TNNC1: variants seen among roughly 807,000 people sequenced by gnomAD.
The protein encoded by TNNC1 is troponin C, slow skeletal and cardiac muscles.
A neutral mutation model predicts 19.6 loss-of-function variants in TNNC1; 10 were observed. The ratio of observed to expected loss-of-function variants is 0.51; its 90% CI spans 0.31 to 0.87. The LOEUF (loss-of-function observed/expected upper bound fraction) is 0.87, where lower values mean the gene tolerates loss of function less well. Among genes scored for constraint, TNNC1 ranks in the 40% least tolerant of loss-of-function variants. TNNC1 has a pLI of 0.04. For synonymous variants in TNNC1, 85 were observed against 80.1 expected, an observed-to-expected ratio of 1.06 and a Z score of -0.33; for missense variants, 115 against 219.8, an observed-to-expected ratio of 0.52 and a Z score of 3.02.
Position 52,452,815 on chromosome 3 carries a change from G to A in TNNC1, c.25-302C>T. On this transcript the variant is annotated intron_variant, in intron 1 of 5. Transcript: ENST00000232975. This position sits in a 1 kb window ranked among gnomAD's most constrained non-coding sequence, Gnocchi z 5.2. The stretch of plus-strand genomic sequence containing the variant: ...TCGGCCCCTGATGAAACTCAAGCTG[G>A]GTGGCCCGAAGGACAGCTGTCCCTC... The A allele has an allele frequency of 4.0e-6, 2 of 503,932 alleles. No individual in the cohort carries two copies. The highest frequency in any genetic ancestry group is 4.3e-5 in the South Asian group (2 of 46,964). The allele number at this position is 503,932 out of a possible 1,614,324, so 31.2% of individuals were successfully genotyped here. A position where few individuals can be genotyped will look rare whatever the true frequency, so the allele number is the denominator to read the frequency against.
chr3:52,451,700 C>A lies in TNNC1; in HGVS notation c.317+44G>T. On this transcript the variant is annotated intron_variant, in intron 4 of 5. Coordinates refer to ENST00000232975, the MANE Select transcript of TNNC1 (RefSeq NM_003280.3). This position sits in a 1 kb window ranked among gnomAD's most constrained non-coding sequence, Gnocchi z 4.8. The stretch of plus-strand genomic sequence containing the variant: ...GAGACTGCCCTCCTGTACAGCTCGG[C>A]TTGAGTGTGGGTCAGGGTCAGAGGT... 1.2e-6 allele frequency: 2 copies of A among 1,601,362 alleles called. No individual in the cohort carries two copies. Among genetic ancestry groups the A allele is most frequent in the Non-Finnish European group, 1.7e-6 (2 of 1,168,446 alleles).
At position 52,451,341 on chromosome 3, in the gene TNNC1, G is replaced by T. The variant is rs1167847639; in HGVS notation, c.455-35C>A. 6.2e-7 allele frequency: 1 copy of T among 1,614,112 alleles called. No homozygotes were observed. The highest frequency in any genetic ancestry group is 1.1e-5 in the South Asian group (1 of 91,086). ...GAGGGGCAGGTGTGGGTTGAGGGTA[G>T]GGGCTGGGCAGGGCATGGAGGCAGG... On this transcript the variant is annotated intron_variant, in intron 5 of 5. Transcript: ENST00000232975. The surrounding 1 kb of genome is among the most constrained non-coding windows in gnomAD (Gnocchi z 4.8).
At position 52,452,217 on chromosome 3, in the gene TNNC1, C is replaced by T. The variant is rs397514616; in HGVS notation, c.91G>A (p.Ala31Thr). ...KAAFDIFVLG[A>T]EDGCISTKEL... ...TTGGTGCTGATGCAGCCATCCTCAG[C>T]GCCCAGCACGAAGATGTCGAAGGCT... Residue 31 changes from alanine to threonine, a missense_variant, in exon 3 of 6, where the codon GCT (alanine) becomes ACT (threonine). Physicochemically the swap from Ala to Thr is moderately conservative, Grantham distance 58. This residue lies in a region of TNNC1 where 19 missense variants were observed against 105.6 expected (regional missense o/e 0.18). Coordinates refer to ENST00000232975, the MANE Select transcript of TNNC1 (RefSeq NM_003280.3). The surrounding 1 kb of genome is among the most constrained non-coding windows in gnomAD (Gnocchi z 5.2). The T allele has an allele frequency of 4.3e-6, 7 of 1,613,706 alleles. No individual in the cohort carries two copies. Among genetic ancestry groups the T allele is most frequent in the African/African-American group, 1.3e-5 (1 of 74,930 alleles).
Position 52,452,634 on chromosome 3 carries a change from G to A in TNNC1, c.25-121C>T. 3.6e-6 allele frequency: 4 copies of A among 1,103,274 alleles called. No homozygotes were observed. The highest frequency in any genetic ancestry group is 4.0e-5 in the Admixed American group (2 of 50,542). The allele number at this position is 1,103,274 out of a possible 1,614,324, so 68.3% of individuals were successfully genotyped here. Reference sequence around the variant, plus strand: ...AGGCAGGCTATTTCCAGGCCACAGAGTGGAGGTCTCAGTCCTCCCTCCCTG... The same window carrying A: ...AGGCAGGCTATTTCCAGGCCACAGAATGGAGGTCTCAGTCCTCCCTCCCTG... On this transcript the variant is annotated intron_variant, in intron 1 of 5. Transcript: ENST00000232975. The surrounding 1 kb of genome is among the most constrained non-coding windows in gnomAD (Gnocchi z 5.2).
At chr3:52,453,369 C>T (rs1041491062) in intron 1 of TNNC1, among the ~76,000 whole-genome samples, 14 of 152,188 alleles carry the variant, frequency 9.2e-5, no homozygotes, top group African/African-American at 3.4e-4. Flanking sequence ...AGCCCTGAGC[C>T]TGCCAGGCAT....
chr3:52,452,458 C>T lies in TNNC1; in HGVS notation c.55+25G>A. 1.2e-6 allele frequency: 2 copies of T among 1,612,512 alleles called. No homozygotes were observed. Among genetic ancestry groups the T allele is most frequent in the Non-Finnish European group, 1.7e-6 (2 of 1,179,354 alleles). ...ATGCCAGCCTGGACCCGCTGGTCTC[C>T]CACATGTGTGATAGGGATTCTCACC... On this transcript the variant is annotated intron_variant, in intron 2 of 5. Transcript: ENST00000232975. This position sits in a 1 kb window ranked among gnomAD's most constrained non-coding sequence, Gnocchi z 5.2.
In TNNC1 at chr3:52,451,459, G is replaced by A. The variant is rs749367654; in HGVS notation, c.386C>T (p.Thr129Met). Reference protein sequence around the residue: ...IMLQATGETITEDDIEELMKD... With the variant: ...IMLQATGETIMEDDIEELMKD... ...CATGAGCTCCTCGATGTCGTCCTCC[G>A]TGATGGTCTCGCCTGTAGCCTGCAG... Residue 129 changes from threonine (T) to methionine (M), a missense_variant, in exon 5 of 6, where the codon ACG becomes ATG. Thr to Met is a moderately conservative substitution (Grantham distance 81). This residue lies in a region of TNNC1 where 96 missense variants were observed against 114.2 expected (regional missense o/e 0.84). Transcript: ENST00000232975. The surrounding 1 kb of genome is among the most constrained non-coding windows in gnomAD (Gnocchi z 4.8). 9 of 1,613,996 alleles carry A rather than the reference G, an allele frequency of 5.6e-6. No individual in the cohort carries two copies. The highest frequency in any genetic ancestry group is 1.7e-5 in the Admixed American group (1 of 60,002).
intron 1 of TNNC1, 46 bp downstream of exon 1, chr3:52,453,946 C>T (rs1312222355): frequency 1.3e-6 from 2 of 1,570,470 alleles, no homozygotes; most frequent in Middle Eastern, 1.7e-4. Flanking sequence ...TGAGTGAGCC[C>T]CCAGTGGGCC....
In TNNC1 at chr3:52,452,446, C is replaced by T; in HGVS notation, c.55+37G>A. 2 of 1,610,888 alleles carry T rather than the reference C, an allele frequency of 1.2e-6. No homozygotes were observed. Among genetic ancestry groups the T allele is most frequent in the Non-Finnish European group, 1.7e-6 (2 of 1,178,568 alleles). On this transcript the variant is annotated intron_variant, in intron 2 of 5. Transcript: ENST00000232975. This position sits in a 1 kb window ranked among gnomAD's most constrained non-coding sequence, Gnocchi z 5.2. Reference sequence around the variant, plus strand: ...TAAGGGGTCCCCATGCCAGCCTGGACCCGCTGGTCTCCCACATGTGTGATA... The same window carrying T: ...TAAGGGGTCCCCATGCCAGCCTGGATCCGCTGGTCTCCCACATGTGTGATA...
Position 52,451,186 on chromosome 3 carries a change from A to T in TNNC1, c.*89T>A. On this transcript the variant is annotated 3_prime_UTR_variant, in exon 6 of 6. Transcript: ENST00000232975. The surrounding 1 kb of genome is among the most constrained non-coding windows in gnomAD (Gnocchi z 4.8). Reference sequence around the variant, plus strand: ...TGGGGTTGAGGACATGGCCAGGCTCAGGTCCTGGGACCCCGACCCCCTCCC... The same window carrying T: ...TGGGGTTGAGGACATGGCCAGGCTCTGGTCCTGGGACCCCGACCCCCTCCC... 6.7e-7 allele frequency: 1 copy of T among 1,490,362 alleles called. No homozygotes were observed. Among genetic ancestry groups the T allele is most frequent in the Non-Finnish European group, 9.3e-7 (1 of 1,070,348 alleles). 92.3% of individuals were successfully genotyped at this position (1,490,362 alleles called of 1,614,324 possible).
rs1334408291 is a variant in TNNC1, at chr3:52,451,786, T to C, written c.275A>G (p.Lys92Arg). ...GAGGTCAGACAGCTCCTCCTCAGATTTCCCTTTGCTGTCGTCCTTCATGCA... is the reference window on the plus strand; with the variant it reads ...GAGGTCAGACAGCTCCTCCTCAGATCTCCCTTTGCTGTCGTCCTTCATGCA... ...VRCMKDDSKGKSEEELSDLFR... is the reference protein window; with the variant it reads ...VRCMKDDSKGRSEEELSDLFR... Residue 92 changes from lysine to arginine, a missense_variant, in exon 4 of 6, where the codon AAA (lysine) becomes AGA (arginine). Around this residue, in one of 2 missense-constraint regions of TNNC1, gnomAD observed 96 missense variants for 114.2 expected, o/e 0.84. Coordinates refer to ENST00000232975, the MANE Select transcript of TNNC1 (RefSeq NM_003280.3). This position sits in a 1 kb window ranked among gnomAD's most constrained non-coding sequence, Gnocchi z 4.8. The C allele has an allele frequency of 1.2e-6, 2 of 1,614,112 alleles. No homozygotes were observed. Among genetic ancestry groups the C allele is most frequent in the Admixed American group, 3.3e-5 (2 of 60,016 alleles).
At position 52,452,556 on chromosome 3, in the gene TNNC1, C is replaced by A; in HGVS notation, c.25-43G>T. On this transcript the variant is annotated intron_variant, in intron 1 of 5. Coordinates refer to ENST00000232975, the MANE Select transcript of TNNC1 (RefSeq NM_003280.3). The surrounding 1 kb of genome is among the most constrained non-coding windows in gnomAD (Gnocchi z 5.2). ...TCTCAAGGCTCAGACTCAGGTATAG[C>A]TGCTGCTGAGGAAACCAACCCATTC... 6.2e-7 allele frequency: 1 copy of A among 1,607,320 alleles called. No individual in the cohort carries two copies. Among genetic ancestry groups the A allele is most frequent in the Non-Finnish European group, 8.5e-7 (1 of 1,176,592 alleles).
rs199851913 is a variant in TNNC1 at position 52,451,263 on chromosome 3, G to C, written c.*12C>G. ...AGGCTGGGCATAGGCAGCTCTGGGT[G>C]AAGGTCAGCATCTACTCCACACCCT... On this transcript the variant is annotated 3_prime_UTR_variant, in exon 6 of 6. Transcript: ENST00000232975. The surrounding 1 kb of genome is among the most constrained non-coding windows in gnomAD (Gnocchi z 4.8). The C allele has an allele frequency of 6.2e-6, 10 of 1,614,114 alleles. No individual in the cohort carries two copies. The highest frequency in any genetic ancestry group is 8.5e-6 in the Non-Finnish European group (10 of 1,180,014).
In TNNC1 at chr3:52,451,411, T is replaced by A; in HGVS notation, c.434A>T (p.Asp145Val). 6.2e-7 allele frequency: 1 copy of A among 1,614,088 alleles called. No homozygotes were observed. Among genetic ancestry groups the A allele is most frequent in the Non-Finnish European group, 8.5e-7 (1 of 1,180,002 alleles). The change falls in exon 5 of 6, where the codon GAC becomes GTC. Residue 145 changes from aspartate (D) to valine (V), a missense_variant. By Grantham distance (152) the Asp-to-Val change is radical. Around this residue, in one of 2 missense-constraint regions of TNNC1, gnomAD observed 96 missense variants for 114.2 expected, o/e 0.84. Transcript: ENST00000232975. The surrounding 1 kb of genome is among the most constrained non-coding windows in gnomAD (Gnocchi z 4.8). ...ELMKDGDKNN[D>V]GRIDYDEFLE... Reference sequence around the variant, plus strand: ...CTTACCATCATAGTCGATGCGGCCGTCGTTGTTCTTGTCTCCGTCCTTCAT... The same window carrying A: ...CTTACCATCATAGTCGATGCGGCCGACGTTGTTCTTGTCTCCGTCCTTCAT...
At chr3:52,453,599 G>A (rs1283175777) in intron 1 of TNNC1, among the ~76,000 whole-genome samples, 1 of 152,154 alleles carries the variant, frequency 6.6e-6, no homozygotes, top group Non-Finnish European at 1.5e-5. Context: ...AATGTGAGGG[G>A]CAGAAATGGG....
Position 52,452,854 on chromosome 3 carries a change from A to C in TNNC1, c.25-341T>G. On this transcript the variant is annotated intron_variant, in intron 1 of 5. Coordinates refer to ENST00000232975, the MANE Select transcript of TNNC1 (RefSeq NM_003280.3). The surrounding 1 kb of genome is among the most constrained non-coding windows in gnomAD (Gnocchi z 5.2). ...CAGCTGTCCCTCAAGTTGGGATAAT[A>C]AAACCAGTGTGGAGGCAGGCAAGCC... is the stretch of plus-strand genomic sequence containing the variant. 1 of 427,918 alleles carries C rather than the reference A, an allele frequency of 2.3e-6. No homozygotes were observed. The highest frequency in any genetic ancestry group is 4.4e-6 in the Non-Finnish European group (1 of 229,408). The allele number at this position is 427,918 out of a possible 1,614,324, so 26.5% of individuals were successfully genotyped here.
At chr3:52,453,183 TC>T (rs1706355194) in intron 1 of TNNC1, among the ~76,000 whole-genome samples, 1 of 152,142 alleles carries the variant, frequency 6.6e-6, no homozygotes, top group Non-Finnish European at 1.5e-5. Context: ...AGGGAGGGGT[TC>T]CCCTGGGGAC....
rs1706317024 is a variant in TNNC1, at chr3:52,451,174, A to G, written c.*101T>C. On this transcript the variant is annotated 3_prime_UTR_variant, in exon 6 of 6. Coordinates refer to ENST00000232975, the MANE Select transcript of TNNC1 (RefSeq NM_003280.3). The surrounding 1 kb of genome is among the most constrained non-coding windows in gnomAD (Gnocchi z 4.8). Reference sequence around the variant, plus strand: ...AGTCGGGGGATTTGGGGTTGAGGACATGGCCAGGCTCAGGTCCTGGGACCC... The same window carrying G: ...AGTCGGGGGATTTGGGGTTGAGGACGTGGCCAGGCTCAGGTCCTGGGACCC... 5.1e-6 allele frequency: 7 copies of G among 1,381,884 alleles called. No homozygotes were observed. The East Asian group carries it at 1.2e-4, about 23-fold the overall frequency. The allele number at this position is 1,381,884 out of a possible 1,614,324, so 85.6% of individuals were successfully genotyped here.
rs1706347150 is a variant in TNNC1 at position 52,452,707 on chromosome 3, C to A, written c.25-194G>T. The A allele has an allele frequency of 1.5e-6, 1 of 658,456 alleles. No homozygotes were observed. Among genetic ancestry groups the A allele is most frequent in the Admixed American group, 2.3e-5 (1 of 43,480 alleles). 40.8% of individuals were successfully genotyped at this position (658,456 alleles called of 1,614,324 possible). A position where few individuals can be genotyped will look rare whatever the true frequency, so the allele number is the denominator to read the frequency against. On this transcript the variant is annotated intron_variant, in intron 1 of 5. Transcript: ENST00000232975. The surrounding 1 kb of genome is among the most constrained non-coding windows in gnomAD (Gnocchi z 5.2). The stretch of plus-strand genomic sequence containing the variant: ...CAGCTGGCCTCACTGCGACTGGGCT[C>A]AGGGCCAGGGTGACAGGTGGGCACC...
Sources: gnomAD v4.1 joint callset for allele counts (sites outside exome capture counted in the v4.1 genomes callset) on GRCh38, gnomAD v4.1.1 for gene constraint, gnomAD v4.1.1 regional missense constraint, Gnocchi (gnomAD v3.1) non-coding constraint, MANE v1.5 for transcripts, NCBI Gene and HGNC (gene_info 2026-07-23, HGNC 2026-07-21) for gene names.